Variants in TSTD2 observed in about 807,000 individuals in gnomAD.
TSTD2 encodes thiosulfate sulfurtransferase/rhodanese-like domain-containing protein 2.
TSTD2 carries 37 observed loss-of-function variants against 47.9 expected under a neutral mutation model. The ratio of observed to expected loss-of-function variants is 0.77; its 90% CI spans 0.59 to 1.02. The LOEUF is 1.02. TSTD2 is among the 50% of genes least tolerant of loss of function. TSTD2 has a pLI of 0.00. For synonymous variants in TSTD2, 201 were observed against 215.9 expected (o/e 0.93, Z 0.61); for missense variants, 586 against 616.0 (o/e 0.95, Z 0.52).
chr9:97,625,756 T>C lies in TSTD2; in HGVS notation c.407A>G (p.Glu136Gly). The C allele has an allele frequency of 6.2e-7, 1 of 1,614,172 alleles. No homozygotes were observed. The change falls in exon 3 of 10, where the codon GAG becomes GGG. Residue 136 changes from glutamate to glycine, a missense_variant. Physicochemically the swap from Glu to Gly is moderately conservative, Grantham distance 98. Transcript: ENST00000341170. The part of the protein sequence containing the change: ...SSADEKNPLK[E>G]CLPHSHDVSA... Reference sequence around the variant, plus strand: ...CACGTCATGGCTATGTGGAAGGCACTCTTTTAAAGGGTTCTTTTCATCTGC... The same window carrying C: ...CACGTCATGGCTATGTGGAAGGCACCCTTTTAAAGGGTTCTTTTCATCTGC...
intron 1 of TSTD2, among the ~76,000 whole-genome samples, chr9:97,632,636 C>T (rs1338897565): frequency 6.6e-6 from 1 of 151,958 alleles, no homozygotes; most frequent in Non-Finnish European, 1.5e-5. Context: ...CCGCCCGCGT[C>T]GGCCTCCCAT....
At position 97,600,100 on chromosome 9, in the gene TSTD2, A is replaced by T. The variant is rs1033555249; in HGVS notation, c.*2369T>A. On this transcript the variant is annotated 3_prime_UTR_variant, in exon 10 of 10. Coordinates refer to ENST00000341170, the MANE Select transcript of TSTD2 (RefSeq NM_139246.5). The stretch of plus-strand genomic sequence containing the variant: ...CCACATGCTTTTGAAGTATTATAAA[A>T]CACTTTATTACAAATTTGTCTTAGC... 1 of 1,009,272 alleles carries T rather than the reference A, an allele frequency of 9.9e-7. No homozygotes were observed. The highest frequency in any genetic ancestry group is 1.7e-5 in the African/African-American group (1 of 58,338). 62.5% of individuals were successfully genotyped at this position (1,009,272 alleles called of 1,614,324 possible). A position where few individuals can be genotyped will look rare whatever the true frequency, so the allele number is the denominator to read the frequency against.
At position 97,602,046 on chromosome 9, in the gene TSTD2, GC is replaced by G. The variant is rs1826271070; in HGVS notation, c.*422del. On this transcript the variant is annotated 3_prime_UTR_variant, in exon 10 of 10. Coordinates refer to ENST00000341170, the MANE Select transcript of TSTD2 (RefSeq NM_139246.5). ...GAGAGACAGAGGTTAAGGGTAGATG[GC>G]AGATGACCTAAGTGGCTTGTTTTAG... 6.2e-6 allele frequency: 1 copy of G among 162,064 alleles called. No individual in the cohort carries two copies. Among genetic ancestry groups the G allele is most frequent in the Non-Finnish European group, 1.3e-5 (1 of 75,162 alleles). The allele number at this position is 162,064 out of a possible 1,614,324, so 10.0% of individuals were successfully genotyped here.
At chr9:97,622,099 CAT>C (rs1286086091) in intron 3 of TSTD2, among the ~76,000 whole-genome samples, 1 of 152,154 alleles carries the variant, frequency 6.6e-6, no homozygotes, top group Non-Finnish European at 1.5e-5. Flanking sequence ...CCTACGTTGA[CAT>C]ATTGGGGGCT....
intron 3 of TSTD2, among the ~76,000 whole-genome samples, chr9:97,620,754 G>C (rs2131314455): frequency 6.6e-6 from 1 of 152,302 alleles, no homozygotes; most frequent in South Asian, 2.1e-4. Flanking sequence ...AAAGATTTGG[G>C]GAACTTTGAA....
At chr9:97,630,127 T>C (rs1826785236) in intron 1 of TSTD2, among the ~76,000 whole-genome samples, 1 of 152,130 alleles carries the variant, frequency 6.6e-6, no homozygotes, top group Admixed American at 6.5e-5. Context: ...TTCCCTATAC[T>C]CTAGGCTCAT....
Position 97,600,792 on chromosome 9 carries a change from A to G in TSTD2, c.*1677T>C, listed in dbSNP as rs73656837. 1.1e-3 allele frequency: 1,178 copies of G among 1,069,518 alleles called. 14 individuals are homozygous for G. The African/African-American group carries it at 0.019, about 17-fold the overall frequency. 66.3% of individuals were successfully genotyped at this position (1,069,518 alleles called of 1,614,324 possible). A position where few individuals can be genotyped will look rare whatever the true frequency, so the allele number is the denominator to read the frequency against. ...CAAGATGATTACACTGAAATGTAGT[A>G]TTAGTACTGCTGCCAGATCTCTTTT... On this transcript the variant is annotated 3_prime_UTR_variant, in exon 10 of 10. Coordinates refer to ENST00000341170, the MANE Select transcript of TSTD2 (RefSeq NM_139246.5).
chr9:97,620,276 C>G (rs571764759), intron 3 of TSTD2, among the ~76,000 whole-genome samples: 59 of 152,284 alleles, frequency 3.9e-4, no homozygotes, highest in South Asian at 3.7e-3. Context: ...TGCTGCCATC[C>G]ATGTAAGATG....
chr9:97,624,710 A>G (rs1229947259), intron 3 of TSTD2, among the ~76,000 whole-genome samples: 1 of 152,194 alleles, frequency 6.6e-6, no homozygotes, highest in Admixed American at 6.5e-5. Flanking sequence ...ATGCAATTAA[A>G]GAAGAGTCTA....
At chr9:97,629,914 T>C (rs1036004242) in intron 1 of TSTD2, among the ~76,000 whole-genome samples, 1 of 152,222 alleles carries the variant, frequency 6.6e-6, no homozygotes. Context: ...TCCAGCATCT[T>C]TTCCAATCTC....
At chr9:97,632,111 A>G (rs962067694) in intron 1 of TSTD2, among the ~76,000 whole-genome samples, 3 of 152,222 alleles carry the variant, frequency 2.0e-5, no homozygotes, top group African/African-American at 7.2e-5. Context: ...GCTAATAAAT[A>G]TAATATTCGT....
intron 4 of TSTD2, among the ~76,000 whole-genome samples, chr9:97,616,710 GCA>G (rs1031906621): frequency 3.9e-5 from 6 of 152,168 alleles, no homozygotes; most frequent in Non-Finnish European, 5.9e-5. Flanking sequence ...AAACAAGGCA[GCA>G]CAGTGTCATA....
intron 1 of TSTD2, 28 bp downstream of exon 1, chr9:97,633,215 C>G (rs988284978): frequency 4.3e-5 from 7 of 162,444 alleles, no homozygotes; most frequent in African/African-American, 1.7e-4. Context: ...CGGCAAAAGC[C>G]GGAAAGTGGG....
chr9:97,614,005 T>A (rs1376732143), intron 4 of TSTD2, among the ~76,000 whole-genome samples: 1 of 151,970 alleles, frequency 6.6e-6, no homozygotes, highest in African/African-American at 2.4e-5. Context: ...ATTTTTCATA[T>A]TTTTAGTAGA....
intron 9 of TSTD2, chr9:97,604,141 G>A (rs1214207016): frequency 6.6e-6 from 1 of 152,126 alleles, no homozygotes; most frequent in East Asian, 1.9e-4. Context: ...TCTTAGTGGT[G>A]GGCCTAATAA....
At chr9:97,620,571 C>T (rs990807657) in intron 3 of TSTD2, among the ~76,000 whole-genome samples, 8 of 152,190 alleles carry the variant, frequency 5.3e-5, no homozygotes, top group Admixed American at 1.3e-4. Flanking sequence ...AAGTTTGGAA[C>T]TCCCTAGAGA....
chr9:97,625,363 T>G (rs533087301), intron 3 of TSTD2, among the ~76,000 whole-genome samples: 2 of 152,338 alleles, frequency 1.3e-5, no homozygotes, highest in Admixed American at 1.3e-4. Flanking sequence ...TTTTTTGTTA[T>G]TATGAATAAA....
chr9:97,600,955 G>C lies in TSTD2; in HGVS notation c.*1514C>G. The C allele has an allele frequency of 8.8e-7, 1 of 1,138,684 alleles. No individual in the cohort carries two copies. Among genetic ancestry groups the C allele is most frequent in the Non-Finnish European group, 1.1e-6 (1 of 904,240 alleles). 70.5% of individuals were successfully genotyped at this position (1,138,684 alleles called of 1,614,324 possible). ...GGAGTTATTTTCATTAGTGATTTCA[G>C]CAAATCTCATGATAAAGGACAAGGT... On this transcript the variant is annotated 3_prime_UTR_variant, in exon 10 of 10. Transcript: ENST00000341170.
Position 97,605,552 on chromosome 9 carries a change from C to G in TSTD2, c.1044G>C (p.Glu348Asp), listed in dbSNP as rs1322046036. 1.2e-6 allele frequency: 2 copies of G among 1,614,094 alleles called. No individual in the cohort carries two copies. The highest frequency in any genetic ancestry group is 2.7e-5 in the African/African-American group (2 of 74,940). Residue 348 changes from glutamate to aspartate, a missense_variant, in exon 8 of 10, where the codon GAG becomes GAC. Glu to Asp is a conservative substitution (Grantham distance 45). Coordinates refer to ENST00000341170, the MANE Select transcript of TSTD2 (RefSeq NM_139246.5). ...YVDKNLELFREKRVLMYCTGG... is the reference protein window; with the variant it reads ...YVDKNLELFRDKRVLMYCTGG... ...CGGTACAGTACATCAGCACTCTCTTCTCTCTGAAAAGTTCTAGATTTTTGT... is the reference window on the plus strand; with the variant it reads ...CGGTACAGTACATCAGCACTCTCTTGTCTCTGAAAAGTTCTAGATTTTTGT...
Sources: gnomAD v4.1 joint callset for allele counts (sites outside exome capture counted in the v4.1 genomes callset) on GRCh38, gnomAD v4.1.1 for gene constraint, MANE v1.5 for transcripts, NCBI Gene and HGNC (gene_info 2026-07-23, HGNC 2026-07-21) for gene names.